The following PDE4D variants were observed in gnomAD, a reference collection of about 807,000 sequenced individuals.
The protein encoded by PDE4D is phosphodiesterase 4D.
PDE4D carries 24 observed loss-of-function variants against 87.4 expected under a neutral mutation model. The ratio of observed to expected loss-of-function variants is 0.27; its 90% CI spans 0.20 to 0.39. PDE4D has a LOEUF of 0.39. Among genes scored for constraint, PDE4D ranks in the 10% least tolerant of loss-of-function variants. The pLI, the probability that PDE4D is intolerant of heterozygous loss-of-function variation, is 1.00. For missense variants in PDE4D, 714 were observed against 1,041.0 expected, an observed-to-expected ratio of 0.69 and a Z score of 4.32; for synonymous variants, 384 against 383.2, an observed-to-expected ratio of 1.00 and a Z score of -0.02.
chr5:59,515,346 C>CA (rs1810969833), intron 1 of PDE4D, among the ~76,000 whole-genome samples: 1 of 152,192 alleles, frequency 6.6e-6, no homozygotes. Flanking sequence ...TGCAGGTTCT[C>CA]AGTGCCTGAC....
intron 2 of PDE4D, among the ~76,000 whole-genome samples, chr5:60,036,700 A>C (rs1306841847): frequency 2.0e-5 from 3 of 152,200 alleles, no homozygotes; most frequent in Non-Finnish European, 4.4e-5. Context: ...CTTACCAAAA[A>C]GCAAACACAA....
rs1580725452 is a variant in PDE4D, at chr5:59,086,993, T to C, written c.809-48022A>G. 2.0e-5 allele frequency among the ~76,000 whole-genome samples: 3 copies of C among 152,160 alleles called. No homozygotes were observed. The South Asian group carries it at 6.2e-4, about 32-fold the overall frequency. ...AACATTTCTCAAATTTGAGGGGTCA[T>C]AGACTTCCAAGGACATTTCCACAAT... is the stretch of plus-strand genomic sequence containing the variant. On this transcript the variant is annotated intron_variant, in intron 5 of 14. Transcript: ENST00000340635.
rs1046758395 is a variant in PDE4D at position 58,974,851 on chromosome 5, G to A, written c.2243C>T (p.Thr748Met). ...CACTTGACTGCCACTGTCCTTTTCC[G>A]TGTCTGACTCACCATCTTCCTCTAA... ...LTLEEDGESD[T>M]EKDSGSQVEE... Residue 748 changes from threonine (T) to methionine (M), a missense_variant, in exon 15 of 15, where the codon ACG (threonine) becomes ATG (methionine). This residue lies in a region of PDE4D where 90 missense variants were observed against 95.3 expected (regional missense o/e 0.94). Coordinates refer to ENST00000340635, the MANE Select transcript of PDE4D (RefSeq NM_001104631.2). The A allele has an allele frequency of 1.4e-5, 22 of 1,612,696 alleles. No individual in the cohort carries two copies. Among genetic ancestry groups the A allele is most frequent in the Admixed American group, 3.3e-5 (2 of 59,916 alleles).
At chr5:59,220,582 A>G (rs181089132) in intron 1 of PDE4D, among the ~76,000 whole-genome samples, 1 of 152,220 alleles carries the variant, frequency 6.6e-6, no homozygotes, top group East Asian at 1.9e-4. Flanking sequence ...AGTAGGTAGT[A>G]AGTTAACTGA....
At chr5:59,409,245 A>G (rs967004526) in intron 1 of PDE4D, among the ~76,000 whole-genome samples, 3 of 152,086 alleles carry the variant, frequency 2.0e-5, no homozygotes, top group Non-Finnish European at 2.9e-5. Flanking sequence ...TTACAGGCTC[A>G]TAAGTGGGAG....
intron 1 of PDE4D, among the ~76,000 whole-genome samples, chr5:59,583,583 T>A (rs1024567962): frequency 6.6e-6 from 1 of 152,224 alleles, no homozygotes; most frequent in African/African-American, 2.4e-5. Flanking sequence ...GAAACACACA[T>A]TCTTCATACC....
At chr5:59,906,211 T>G (rs902763090) in intron 3 of PDE4D, among the ~76,000 whole-genome samples, 2 of 152,162 alleles carry the variant, frequency 1.3e-5, no homozygotes, top group African/African-American at 4.8e-5. Flanking sequence ...TAGCCACTAT[T>G]TAGGTACCTC....
At chr5:59,636,018 A>G (rs1349297504) in intron 1 of PDE4D, among the ~76,000 whole-genome samples, 1 of 152,240 alleles carries the variant, frequency 6.6e-6, no homozygotes, top group Admixed American at 6.5e-5. Flanking sequence ...CCTTAAGCTG[A>G]TAAGCAACTT....
intron 1 of PDE4D, among the ~76,000 whole-genome samples, chr5:59,829,775 G>A (rs1740902836): frequency 6.6e-6 from 1 of 151,876 alleles, no homozygotes; most frequent in African/African-American, 2.4e-5. Context: ...TATTTAAGTA[G>A]GTTTTTATTT....
chr5:59,483,759 T>G (rs920281433), intron 1 of PDE4D, among the ~76,000 whole-genome samples: 3 of 152,148 alleles, frequency 2.0e-5, no homozygotes, highest in Non-Finnish European at 4.4e-5. Context: ...TAAGGCTGGA[T>G]GTCTGGCAAC....
chr5:59,874,444 C>T (rs1159470), intron 1 of PDE4D, among the ~76,000 whole-genome samples: 2 of 151,918 alleles, frequency 1.3e-5, no homozygotes, highest in Admixed American at 6.6e-5. Flanking sequence ...AAAAAGTGTT[C>T]TTATTGAGGA....
intron 2 of PDE4D, among the ~76,000 whole-genome samples, chr5:60,006,720 T>C (rs999890359): frequency 6.6e-6 from 1 of 152,030 alleles, no homozygotes; most frequent in Non-Finnish European, 1.5e-5. Flanking sequence ...GTAAACATGA[T>C]GATGCATAGG....
At chr5:59,239,892 A>G (rs1757293731) in intron 1 of PDE4D, among the ~76,000 whole-genome samples, 1 of 152,238 alleles carries the variant, frequency 6.6e-6, no homozygotes, top group Non-Finnish European at 1.5e-5. Flanking sequence ...AAATGAGTTA[A>G]TGAATGTGAA....
rs139969276 is a variant in PDE4D at position 60,185,301 on chromosome 5, A to G, written c.42+256T>C. Among the ~76,000 whole-genome samples the G allele has an allele frequency of 2.6e-5, 4 of 152,276 alleles. 1 individual carries two copies. The highest frequency in any genetic ancestry group is 9.6e-5 in the African/African-American group (4 of 41,580). On this transcript the variant is annotated intron_variant, in intron 2 of 16. Transcript: ENST00000502484. ...ATGCACTCAAAAATTAGAGTGTTCA[A>G]CATCAGGCTTGTAGACGTATATGAA...
chr5:60,335,268 T>A (rs1757652446), intron 1 of PDE4D: 1 of 152,234 alleles, frequency 6.6e-6, no homozygotes, highest in East Asian at 1.9e-4. Flanking sequence ...GACTGTGTAT[T>A]TCAGAAGAGG....
At chr5:59,957,339 T>G in intron 3 of PDE4D, among the ~76,000 whole-genome samples, 1 of 152,112 alleles carries the variant, frequency 6.6e-6, no homozygotes, top group East Asian at 1.9e-4. Flanking sequence ...TAGACAGACA[T>G]TTTTACATAA....
At chr5:59,661,432 GT>G (rs1182958426) in intron 1 of PDE4D, among the ~76,000 whole-genome samples, 2 of 152,148 alleles carry the variant, frequency 1.3e-5, no homozygotes, top group African/African-American at 4.8e-5. Context: ...TCAGCAGCAT[GT>G]TGACATGTCC....
intron 2 of PDE4D, among the ~76,000 whole-genome samples, chr5:60,127,134 G>A (rs1779186448): frequency 6.6e-6 from 1 of 152,150 alleles, no homozygotes; most frequent in Admixed American, 6.6e-5. Context: ...AGAACAGCAT[G>A]AGAAAGTGCC....
upstream of PDE4D, among the ~76,000 whole-genome samples, chr5:60,488,757 T>A (rs998453189): frequency 6.6e-6 from 1 of 152,020 alleles, no homozygotes; most frequent in African/African-American, 2.4e-5. Flanking sequence ...AGGAGCACAA[T>A]TAAAAGTTTT....
Sources: gnomAD v4.1 joint callset for allele counts (sites outside exome capture counted in the v4.1 genomes callset) on GRCh38, gnomAD v4.1.1 for gene constraint, gnomAD v4.1.1 regional missense constraint, MANE v1.5 for transcripts, NCBI Gene and HGNC (gene_info 2026-07-23, HGNC 2026-07-21) for gene names.